Variants in BRINP1 observed in about 807,000 individuals in gnomAD.
The protein encoded by BRINP1 is BMP/retinoic acid-inducible neural-specific protein 1.
In BRINP1, 17 loss-of-function variants were observed where a neutral mutation model predicts 72.9. The ratio of observed to expected loss-of-function variants is 0.23; its 90% CI spans 0.16 to 0.35. BRINP1 has a LOEUF of 0.35. BRINP1 is among the 10% of genes least tolerant of loss of function. The pLI, the probability that BRINP1 is intolerant of heterozygous loss-of-function variation, is 1.00. For synonymous variants in BRINP1, 418 were observed against 378.5 expected (o/e 1.10, Z -1.21); for missense variants, 850 against 1,001.6 (o/e 0.85, Z 2.04).
chr9:119,240,123 G>A (rs1419355378), intron 4 of BRINP1, among the ~76,000 whole-genome samples: 1 of 152,100 alleles, frequency 6.6e-6, no homozygotes, highest in African/African-American at 2.4e-5. Flanking sequence ...ACAAAAATTA[G>A]CTGGGCATGG....
At chr9:119,231,610 C>T (rs1278762912) in intron 5 of BRINP1, among the ~76,000 whole-genome samples, 1 of 152,118 alleles carries the variant, frequency 6.6e-6, no homozygotes, top group Non-Finnish European at 1.5e-5. Context: ...CATCCTTTGT[C>T]ATCAGTGACC....
chr9:119,323,116 C>A (rs1290828369), intron 1 of BRINP1, among the ~76,000 whole-genome samples: 2 of 152,106 alleles, frequency 1.3e-5, no homozygotes, highest in East Asian at 3.9e-4. Context: ...CAGTGCTGAG[C>A]CCTCCTTTCT....
At chr9:119,361,629 GT>G (rs913521486) in intron 1 of BRINP1, among the ~76,000 whole-genome samples, 2 of 147,564 alleles carry the variant, frequency 1.4e-5, no homozygotes, top group Admixed American at 6.8e-5. Context: ...TCTTTTTTTT[GT>G]TTTTTTTTCA....
At chr9:119,283,203 A>G (rs1027853234) in intron 2 of BRINP1, 1 of 982,912 alleles carries the variant, frequency 1.0e-6, no homozygotes, top group Admixed American at 6.2e-5. Context: ...AAGGGGTGGA[A>G]ACAAACAGTA....
Position 119,242,099 on chromosome 9 carries a change from T to C in BRINP1, c.527A>G (p.Asp176Gly), listed in dbSNP as rs1427060245. 1.9e-6 allele frequency: 3 copies of C among 1,614,028 alleles called. No individual in the cohort carries two copies. The highest frequency in any genetic ancestry group is 3.3e-5 in the Admixed American group (2 of 60,004). The change falls in exon 4 of 8, where the codon GAT (aspartate) becomes GGT (glycine). Residue 176 changes from aspartate (D) to glycine (G), a missense_variant. Asp to Gly is a moderately conservative substitution (Grantham distance 94). Transcript: ENST00000265922. ...QLASSYFVDRDGTMRRLHEIQ... is the reference protein window; with the variant it reads ...QLASSYFVDRGGTMRRLHEIQ... ...CTCATGAAGCCTCCTCATGGTACCA[T>C]CACGGTCAACAAAGTAGGATGATGC...
chr9:119,246,448 G>A (rs556309576), intron 3 of BRINP1, among the ~76,000 whole-genome samples: 3 of 152,122 alleles, frequency 2.0e-5, no homozygotes, highest in Non-Finnish European at 4.4e-5. Context: ...CTTGAACATC[G>A]GACTCCAAGT....
Position 119,238,775 on chromosome 9 carries a change from A to G in BRINP1, c.580-15T>C. 1 of 1,528,942 alleles carries G rather than the reference A, an allele frequency of 6.5e-7. No individual in the cohort carries two copies. Among genetic ancestry groups the G allele is most frequent in the Non-Finnish European group, 9.0e-7 (1 of 1,108,592 alleles). The allele number at this position is 1,528,942 out of a possible 1,614,324, so 94.7% of individuals were successfully genotyped here. The stretch of plus-strand genomic sequence containing the variant: ...GTCTCTGTGACCTGCAGTAGATATC[A>G]AATAAGATAGGTGTGAGACAGCAGT... On this transcript the variant is annotated splice_polypyrimidine_tract_variant and intron_variant, in intron 4 of 7. Transcript: ENST00000265922.
chr9:119,193,633 A>C (rs1460129064), intron 7 of BRINP1, among the ~76,000 whole-genome samples: 2 of 152,200 alleles, frequency 1.3e-5, no homozygotes, highest in African/African-American at 4.8e-5. Context: ...TGCTGTCCAT[A>C]TGTATCTCAT....
At chr9:119,225,885 T>A (rs1402080817) in intron 5 of BRINP1, among the ~76,000 whole-genome samples, 2 of 150,252 alleles carry the variant, frequency 1.3e-5, no homozygotes, top group East Asian at 3.9e-4. Flanking sequence ...GTTGTGTATA[T>A]TTTGCAACAA....
At chr9:119,318,211 G>A (rs1233885070) in intron 1 of BRINP1, among the ~76,000 whole-genome samples, 1 of 152,136 alleles carries the variant, frequency 6.6e-6, no homozygotes, top group African/African-American at 2.4e-5. Flanking sequence ...TGTCTTCCAT[G>A]TGAAAATGTG....
intron 5 of BRINP1, among the ~76,000 whole-genome samples, chr9:119,228,090 T>C (rs1830111022): frequency 6.6e-6 from 1 of 152,012 alleles, no homozygotes; most frequent in Non-Finnish European, 1.5e-5. Context: ...CTACTCTTCA[T>C]CAGACTGCTC....
At chr9:119,172,788 C>G (rs1334253442) in intron 7 of BRINP1, among the ~76,000 whole-genome samples, 1 of 152,082 alleles carries the variant, frequency 6.6e-6, no homozygotes, top group Non-Finnish European at 1.5e-5. Context: ...CCACCACGAT[C>G]AAGTGGGCTT....
intron 1 of BRINP1, among the ~76,000 whole-genome samples, chr9:119,335,754 T>G (rs1051764604): frequency 6.6e-6 from 1 of 152,242 alleles, no homozygotes; most frequent in African/African-American, 2.4e-5. Flanking sequence ...GTGCTCAGAC[T>G]TCTCTAAATC....
rs759023752 is a variant in BRINP1, at chr9:119,242,031, C to T, written c.579+16G>A. On this transcript the variant is annotated intron_variant, in intron 4 of 7. Coordinates refer to ENST00000265922, the MANE Select transcript of BRINP1 (RefSeq NM_014618.3). ...GTATTGAGAACCTGTCGCCCAAATC[C>T]ACCCCGGAGCTGTACCTTGATTGCT... The T allele has an allele frequency of 3.1e-6, 5 of 1,608,976 alleles. No homozygotes were observed. Among genetic ancestry groups the T allele is most frequent in the East Asian group, 2.2e-5 (1 of 44,806 alleles).
At chr9:119,246,945 T>C (rs1341916396) in intron 3 of BRINP1, among the ~76,000 whole-genome samples, 1 of 152,204 alleles carries the variant, frequency 6.6e-6, no homozygotes. Flanking sequence ...TATTTTAAAA[T>C]GTTGTGTTGT....
chr9:119,175,663 C>T (rs1275484936), intron 7 of BRINP1, among the ~76,000 whole-genome samples: 1 of 152,048 alleles, frequency 6.6e-6, no homozygotes, highest in Admixed American at 6.6e-5. Context: ...CTGATTTCAG[C>T]CACCAAAACA....
chr9:119,273,946 G>C (rs1198444381), intron 2 of BRINP1, among the ~76,000 whole-genome samples: 1 of 152,084 alleles, frequency 6.6e-6, no homozygotes, highest in Non-Finnish European at 1.5e-5. Context: ...TCAAGGACAG[G>C]TCACCTCTAC....
At chr9:119,179,825 A>G (rs1376408213) in intron 7 of BRINP1, among the ~76,000 whole-genome samples, 1 of 152,172 alleles carries the variant, frequency 6.6e-6, no homozygotes, top group Non-Finnish European at 1.5e-5. Context: ...TGGAGAAGAA[A>G]GAGGCTCTGG....
chr9:119,199,140 A>T (rs1829777452), intron 7 of BRINP1, among the ~76,000 whole-genome samples: 1 of 152,136 alleles, frequency 6.6e-6, no homozygotes, highest in South Asian at 2.1e-4. Flanking sequence ...AGACTTTTGG[A>T]GGTCACACAT....
Sources: allele counts gnomAD v4.1 joint callset (sites outside exome capture counted in the v4.1 genomes callset), GRCh38; gene constraint gnomAD v4.1.1; transcripts MANE v1.5; gene names NCBI Gene and HGNC (gene_info 2026-07-23, HGNC 2026-07-21).